The following GUCY1A1 variants were observed in gnomAD, a reference collection of about 807,000 sequenced individuals.
GUCY1A1 encodes the protein guanylate cyclase soluble subunit alpha-1.
Under a neutral mutation model 64.5 loss-of-function variants are expected in GUCY1A1, and 48 were observed. The ratio of observed to expected loss-of-function variants is 0.74; its 90% CI spans 0.59 to 0.95. The LOEUF (loss-of-function observed/expected upper bound fraction) is 0.95, where lower values mean the gene tolerates loss of function less well. Among genes scored for constraint, GUCY1A1 ranks in the 40% least tolerant of loss-of-function variants. GUCY1A1 has a pLI of 0.00. For missense variants in GUCY1A1, 804 were observed against 825.3 expected, an observed-to-expected ratio of 0.97 and a Z score of 0.32; for synonymous variants, 308 against 303.4, an observed-to-expected ratio of 1.02 and a Z score of -0.16.
At chr4:155,674,498 C>T (rs1734621319) in intron 2 of GUCY1A1, among the ~76,000 whole-genome samples, 1 of 151,472 alleles carries the variant, frequency 6.6e-6, no homozygotes, top group South Asian at 2.1e-4. Flanking sequence ...ACAAGTCCAG[C>T]ATCTTCGTTC....
In GUCY1A1 at chr4:155,734,200, G is replaced by A. The variant is rs188959660; in HGVS notation, c.*3969G>A. On this transcript the variant is annotated 3_prime_UTR_variant, in exon 10 of 10. Transcript: ENST00000506455. ...AAATGAAAGAGATGAATAAACAAGA[G>A]TGTCTAGTCTAACTAGTGCCTGAGG... Among the ~76,000 whole-genome samples the A allele has an allele frequency of 2.3e-3, 345 of 152,008 alleles. 3 individuals carry two copies. The highest frequency in any genetic ancestry group is 8.0e-3 in the African/African-American group (333 of 41,500).
chr4:155,688,120 C>G (rs183823516), intron 2 of GUCY1A1, among the ~76,000 whole-genome samples: 1 of 151,550 alleles, frequency 6.6e-6, no homozygotes, highest in Admixed American at 6.6e-5. Context: ...CCCAGCTGCT[C>G]GGGAGGCTGA....
rs1292338429 is a variant in GUCY1A1 at position 155,734,884 on chromosome 4, C to T, written c.*4653C>T. The stretch of plus-strand genomic sequence containing the variant: ...TTCAAGACCTGGGAAATATTTGTAT[C>T]CTTTAGTGAAAAGGGGAAGAATCAA... On this transcript the variant is annotated 3_prime_UTR_variant, in exon 10 of 10. Coordinates refer to ENST00000506455, the MANE Select transcript of GUCY1A1 (RefSeq NM_001130682.3). 1 of 151,904 alleles carries T rather than the reference C, an allele frequency of 6.6e-6. No homozygotes were observed. Among genetic ancestry groups the T allele is most frequent in the Non-Finnish European group, 1.5e-5 (1 of 67,930 alleles). The allele number at this position is 151,904 out of a possible 1,614,324, so 9.4% of individuals were successfully genotyped here.
At chr4:155,709,983 T>C (rs1310300581) in intron 5 of GUCY1A1, among the ~76,000 whole-genome samples, 2 of 152,192 alleles carry the variant, frequency 1.3e-5, no homozygotes, top group East Asian at 3.8e-4. Context: ...GAAAATGCTA[T>C]AGAAAGTAAA....
chr4:155,709,992 A>C (rs1188080503), intron 5 of GUCY1A1, among the ~76,000 whole-genome samples: 1 of 152,208 alleles, frequency 6.6e-6, no homozygotes, highest in African/African-American at 2.4e-5. Flanking sequence ...ATAGAAAGTA[A>C]ATTATATACT....
chr4:155,697,248 T>G, intron 3 of GUCY1A1, 126 bp downstream of exon 3: 1 of 701,462 alleles, frequency 1.4e-6, no homozygotes, highest in South Asian at 1.9e-5. Context: ...GAATATTTTC[T>G]TGAAACACAT....
intron 3 of GUCY1A1, among the ~76,000 whole-genome samples, chr4:155,702,105 C>A (rs1313784184): frequency 1.3e-5 from 2 of 151,992 alleles, no homozygotes; most frequent in African/African-American, 4.8e-5. Context: ...GAGGGGTAAG[C>A]AAAACCGACA....
chr4:155,734,433 T>C lies in GUCY1A1; in HGVS notation c.*4202T>C, dbSNP rs1328554474. ...GCATGGGTTTGACCCATGTAAATCA[T>C]TTTAATAAGTAAAATTGAATCTTTG... On this transcript the variant is annotated 3_prime_UTR_variant, in exon 10 of 10. Transcript: ENST00000506455. 1.3e-5 allele frequency: 2 copies of C among 151,986 alleles called. No individual in the cohort carries two copies. Among genetic ancestry groups the C allele is most frequent in the Non-Finnish European group, 2.9e-5 (2 of 67,938 alleles). 9.4% of individuals were successfully genotyped at this position (151,986 alleles called of 1,614,324 possible). A position where few individuals can be genotyped will look rare whatever the true frequency, so the allele number is the denominator to read the frequency against.
At chr4:155,676,728 A>C (rs903262709) in intron 2 of GUCY1A1, among the ~76,000 whole-genome samples, 2 of 151,466 alleles carry the variant, frequency 1.3e-5, no homozygotes, top group Non-Finnish European at 2.9e-5. Context: ...TTTATTCTTG[A>C]TCATTCTCTT....
At chr4:155,707,894 T>G (rs1174449606) in intron 4 of GUCY1A1, among the ~76,000 whole-genome samples, 2 of 151,456 alleles carry the variant, frequency 1.3e-5, no homozygotes, top group African/African-American at 4.8e-5. Context: ...CAGTGGTGGC[T>G]GATCTCGGCT....
chr4:155,672,742 C>T lies in GUCY1A1; in HGVS notation c.-113+5323C>T, dbSNP rs950037501. 2.6e-5 allele frequency among the ~76,000 whole-genome samples: 4 copies of T among 152,268 alleles called. No homozygotes were observed. The East Asian group carries it at 5.8e-4, about 22-fold the overall frequency. On this transcript the variant is annotated intron_variant, in intron 2 of 9. Transcript: ENST00000506455. The stretch of plus-strand genomic sequence containing the variant: ...CTAAATTATAGCTGATGGAATCCAC[C>T]TTCCCAATTTTGAAAATTGAGGCAA...
chr4:155,708,839 C>A (rs1732156332), intron 5 of GUCY1A1, among the ~76,000 whole-genome samples: 1 of 151,896 alleles, frequency 6.6e-6, no homozygotes, highest in Non-Finnish European at 1.5e-5. Flanking sequence ...GGAGCAAGGC[C>A]CTATTCTGAA....
intron 6 of GUCY1A1, 65 bp downstream of exon 6, chr4:155,711,316 A>C (rs1370313866): frequency 1.2e-6 from 1 of 831,940 alleles, no homozygotes; most frequent in Non-Finnish European, 2.0e-6. Context: ...AAGAAACAAA[A>C]GGGTAAAAAT....
At chr4:155,667,147 G>T (rs1333540111) in intron 1 of GUCY1A1, 182 bp downstream of exon 1, 1 of 152,360 alleles carries the variant, frequency 6.6e-6, no homozygotes, top group African/African-American at 2.4e-5. Flanking sequence ...TGGGAGCCAC[G>T]CGGGCGATAC....
intron 9 of GUCY1A1, among the ~76,000 whole-genome samples, chr4:155,725,531 C>T (rs1308144863): frequency 2.0e-5 from 3 of 152,038 alleles, no homozygotes; most frequent in Admixed American, 6.6e-5. Flanking sequence ...TGTATATGTG[C>T]ATACTGAGGA....
intron 9 of GUCY1A1, among the ~76,000 whole-genome samples, chr4:155,728,143 T>G (rs1579134332): frequency 6.6e-6 from 1 of 151,958 alleles, no homozygotes; most frequent in Non-Finnish European, 1.5e-5. Context: ...TCTGAGATAG[T>G]TTCCTTGATA....
chr4:155,682,728 G>GTA lies in GUCY1A1; in HGVS notation c.-112-14023_-112-14022dup, dbSNP rs796193415. Among the ~76,000 whole-genome samples, 386 of 146,398 alleles carry GTA rather than the reference G, an allele frequency of 2.6e-3. 1 individual carries two copies. The highest frequency in any genetic ancestry group is 8.0e-3 in the South Asian group (37 of 4,644). On this transcript the variant is annotated intron_variant, in intron 2 of 9. Transcript: ENST00000506455. ...TGTGTGTGTGTGTGTGTGTGTGTGTGTATATACCCCACTCATATCAGGCTT... is the reference window on the plus strand; with the variant it reads ...TGTGTGTGTGTGTGTGTGTGTGTGTGTATATATACCCCACTCATATCAGGCTT...
chr4:155,725,281 G>T (rs946051381), intron 9 of GUCY1A1, among the ~76,000 whole-genome samples: 1 of 152,000 alleles, frequency 6.6e-6, no homozygotes, highest in African/African-American at 2.4e-5. Context: ...TTGACTCCTG[G>T]GTATGAAAAC....
intron 6 of GUCY1A1, among the ~76,000 whole-genome samples, chr4:155,712,061 C>T (rs1308611600): frequency 6.6e-6 from 1 of 152,110 alleles, no homozygotes; most frequent in Non-Finnish European, 1.5e-5. Flanking sequence ...TGCATCCTCC[C>T]ATGTCATTAG....
Sources: allele counts gnomAD v4.1 joint callset (sites outside exome capture counted in the v4.1 genomes callset), GRCh38; gene constraint gnomAD v4.1.1; transcripts MANE v1.5; gene names NCBI Gene and HGNC (gene_info 2026-07-23, HGNC 2026-07-21).